DOCK1: variants seen among roughly 807,000 people sequenced by gnomAD.
DOCK1 encodes the protein dedicator of cytokinesis protein 1.
Under a neutral mutation model 262.7 loss-of-function variants are expected in DOCK1, and 138 were observed. The observed-to-expected ratio is 0.53, with a 90% confidence interval of 0.46 to 0.61. The LOEUF is 0.61. Among genes scored for constraint, DOCK1 ranks in the 20% least tolerant of loss-of-function variants. The probability of loss-of-function intolerance (pLI) is 0.00; values close to 1 mark genes in which losing one functional copy is unlikely to be tolerated. For synonymous variants in DOCK1, 866 were observed against 867.4 expected (o/e 1.00, Z 0.03); for missense variants, 1,908 against 2,370.7 (o/e 0.80, Z 4.05).
chr10:127,428,966 C>CGGGTACCATGTGGATTG (rs2069062734), intron 47 of DOCK1, among the ~76,000 whole-genome samples: 1 of 23,778 alleles, frequency 4.2e-5, no homozygotes, highest in Non-Finnish European at 7.7e-5. Flanking sequence ...TGTGTGGATT[C>CGGGTACCATGTGGATTG]GGGTACCATG....
chr10:127,447,497 G>C lies in DOCK1; in HGVS notation c.5517G>C (p.Gln1839His). Reference protein sequence around the residue: ...VADYGNLMENQDLLGSPTPPP... With the variant: ...VADYGNLMENHDLLGSPTPPP... ...ATTACGGGAATTTGATGGAAAACCA[G>C]GACTTGCTGGGCTCGCCAACACCTC... is the stretch of plus-strand genomic sequence containing the variant. The change falls in exon 51 of 52, where the codon CAG (glutamine) becomes CAC (histidine). Residue 1839 changes from glutamine to histidine, a missense_variant. Physicochemically the swap from Gln to His is conservative, Grantham distance 24. Transcript: ENST00000623213. 6.2e-7 allele frequency: 1 copy of C among 1,613,906 alleles called. No homozygotes were observed. Among genetic ancestry groups the C allele is most frequent in the Non-Finnish European group, 8.5e-7 (1 of 1,179,862 alleles).
At chr10:127,274,119 A>G (rs1040052630) in intron 29 of DOCK1, among the ~76,000 whole-genome samples, 1 of 152,116 alleles carries the variant, frequency 6.6e-6, no homozygotes. Context: ...GTGAGCTCCC[A>G]AAAAAAGTGC....
intron 27 of DOCK1, among the ~76,000 whole-genome samples, chr10:127,185,399 G>A (rs1232735733): frequency 1.3e-5 from 2 of 152,112 alleles, no homozygotes; most frequent in African/African-American, 4.8e-5. Flanking sequence ...GGTGATGCGT[G>A]CCTGTAATCC....
At chr10:127,067,436 T>C (rs1446218114) in intron 23 of DOCK1, among the ~76,000 whole-genome samples, 1 of 152,174 alleles carries the variant, frequency 6.6e-6, no homozygotes, top group Non-Finnish European at 1.5e-5. Context: ...GAATTTTCTA[T>C]AGAAGGAAAC....
In DOCK1 at chr10:127,175,330, C is replaced by T. The variant is rs774263831; in HGVS notation, c.2847+47566C>T. On this transcript the variant is annotated intron_variant, in intron 27 of 51. Transcript: ENST00000623213. This position sits in a 1 kb window ranked among gnomAD's most constrained non-coding sequence, Gnocchi z 6.3. ...ATCTGAAGTTGTGCTTTGAGGTCGA[C>T]CACTTCCGTATGAGGCACGATTCGT... 2.5e-6 allele frequency: 4 copies of T among 1,614,168 alleles called. No homozygotes were observed. Among genetic ancestry groups the T allele is most frequent in the Non-Finnish European group, 3.4e-6 (4 of 1,180,048 alleles).
rs138021666 is a variant in DOCK1 at position 127,280,563 on chromosome 10, A to G, written c.3044+23134A>G. Among the ~76,000 whole-genome samples the G allele has an allele frequency of 1.8e-3, 281 of 152,302 alleles. 1 individual carries two copies. The highest frequency in any genetic ancestry group is 6.5e-3 in the African/African-American group (271 of 41,570). ...TCATCCTTGACAACTGCTGGGGACA[A>G]AGTTGGCAATTTGTTCATTGTTCTT... On this transcript the variant is annotated intron_variant, in intron 29 of 51. Coordinates refer to ENST00000623213, the MANE Select transcript of DOCK1 (RefSeq NM_001290223.2).
chr10:127,281,474 T>A (rs922025613), intron 29 of DOCK1, among the ~76,000 whole-genome samples: 2 of 152,154 alleles, frequency 1.3e-5, no homozygotes, highest in Non-Finnish European at 2.9e-5. Context: ...CAGAAGGACG[T>A]TTCACTCCAG....
At chr10:127,148,030 C>CAAAAAAAAAAAAAAAAAAAAAAA (rs57503481) in intron 27 of DOCK1, among the ~76,000 whole-genome samples, 1 of 63,276 alleles carries the variant, frequency 1.6e-5, no homozygotes, top group African/African-American at 4.4e-5. Context: ...GACTCTGTCT[C>CAAAAAAAAAAAAAAAAAAAAAAA]AAAAAAAAAA....
At chr10:127,186,639 C>G (rs2056300280) in intron 27 of DOCK1, among the ~76,000 whole-genome samples, 1 of 151,298 alleles carries the variant, frequency 6.6e-6, no homozygotes, top group Non-Finnish European at 1.5e-5. Context: ...GGGGCATAAA[C>G]ATATGAATGA....
chr10:126,926,514 T>A (rs1424018709), intron 1 of DOCK1, among the ~76,000 whole-genome samples: 2 of 152,206 alleles, frequency 1.3e-5, no homozygotes, highest in Non-Finnish European at 2.9e-5. Context: ...AAACATTCTA[T>A]GCCAGAGGAG....
chr10:127,040,469 G>A (rs886682011), intron 19 of DOCK1, among the ~76,000 whole-genome samples: 11 of 152,218 alleles, frequency 7.2e-5, no homozygotes, highest in Middle Eastern at 3.4e-3. Flanking sequence ...CAAAGGAAAC[G>A]GATGAGGCTC....
chr10:127,011,310 C>T (rs1347045847), intron 11 of DOCK1, among the ~76,000 whole-genome samples: 1 of 152,196 alleles, frequency 6.6e-6, no homozygotes, highest in East Asian at 1.9e-4. Context: ...TTTATTATCT[C>T]ACAGGGTTGG....
chr10:127,108,612 T>TTCTTTGTGA (rs1201702727), intron 24 of DOCK1, among the ~76,000 whole-genome samples: 1 of 152,106 alleles, frequency 6.6e-6, no homozygotes, highest in Non-Finnish European at 1.5e-5. Flanking sequence ...AAAGTCACCA[T>TTCTTTGTGA]TCTTTGTGAT....
At chr10:127,118,857 G>C (rs2049352341) in intron 25 of DOCK1, among the ~76,000 whole-genome samples, 1 of 152,238 alleles carries the variant, frequency 6.6e-6, no homozygotes, top group Non-Finnish European at 1.5e-5. Context: ...GAAAGGAAAA[G>C]TGACCTACCA....
intron 32 of DOCK1, among the ~76,000 whole-genome samples, chr10:127,360,773 A>G (rs1420021008): frequency 6.6e-6 from 1 of 152,204 alleles, no homozygotes; most frequent in Non-Finnish European, 1.5e-5. Context: ...AGGAATTTGT[A>G]AAATGAGGGT....
intron 38 of DOCK1, among the ~76,000 whole-genome samples, chr10:127,389,313 C>T (rs1487207538): frequency 6.6e-6 from 1 of 152,200 alleles, no homozygotes; most frequent in East Asian, 1.9e-4. Flanking sequence ...GATGTGCCAT[C>T]ATTTGAGAAA....
At chr10:126,941,652 G>C (rs903112157) in intron 1 of DOCK1, among the ~76,000 whole-genome samples, 7 of 152,150 alleles carry the variant, frequency 4.6e-5, no homozygotes, top group Admixed American at 2.0e-4. Flanking sequence ...CTACTCGGGA[G>C]GCTGAGGCAG....
Position 127,447,438 on chromosome 10 carries a change from C to T in DOCK1, c.5458C>T (p.Pro1820Ser). 1 of 1,613,408 alleles carries T rather than the reference C, an allele frequency of 6.2e-7. No homozygotes were observed. The highest frequency in any genetic ancestry group is 8.5e-7 in the Non-Finnish European group (1 of 1,179,622). Residue 1820 changes from proline (P) to serine (S), a missense_variant, in exon 51 of 52, where the codon CCA becomes TCA. Transcript: ENST00000623213. ...GMTGADVADV[P>S]PPLPLKGSVA... is the part of the protein sequence containing the mutation. ...GACGGGGGCGGACGTGGCCGATGTC[C>T]CACCCCCTCTGCCTCTCAAAGGCAG...
At chr10:127,299,986 G>A (rs945128031) in intron 29 of DOCK1, among the ~76,000 whole-genome samples, 1 of 152,184 alleles carries the variant, frequency 6.6e-6, no homozygotes, top group Non-Finnish European at 1.5e-5. Context: ...TCCGGCCATT[G>A]AGAACTGACT....
Sources: gnomAD v4.1 joint callset for allele counts (sites outside exome capture counted in the v4.1 genomes callset) on GRCh38, gnomAD v4.1.1 for gene constraint, Gnocchi (gnomAD v3.1) non-coding constraint, MANE v1.5 for transcripts, NCBI Gene and HGNC (gene_info 2026-07-23, HGNC 2026-07-21) for gene names.